Variants in CDS2 observed in about 807,000 individuals in gnomAD.
CDS2 encodes phosphatidate cytidylyltransferase 2.
A neutral mutation model predicts 59.0 loss-of-function variants in CDS2; 47 were observed. The observed-to-expected ratio is 0.80, with a 90% CI of 0.63 to 1.02. The LOEUF is 1.02. CDS2 is among the 50% of genes least tolerant of loss of function. The pLI is 0.00. For synonymous variants in CDS2, 207 were observed against 206.4 expected, an observed-to-expected ratio of 1.00 and a Z score of -0.02; for missense variants, 356 against 558.9, an observed-to-expected ratio of 0.64 and a Z score of 3.66.
chr20:5,168,403 A>G (rs1194150980), intron 1 of CDS2, among the ~76,000 whole-genome samples: 3 of 148,440 alleles, frequency 2.0e-5, no homozygotes, highest in African/African-American at 7.5e-5. Flanking sequence ...TGACAGAGCA[A>G]GACTCTGTCC....
chr20:5,191,491 T>C lies in CDS2; in HGVS notation c.*1257T>C, dbSNP rs1031332519. ...ATTAGTTCTTTGTCAGGCCAACAAG[T>C]GATGGAGTGCGGGAGAGAGAACTTG... On this transcript the variant is annotated 3_prime_UTR_variant, in exon 13 of 13. Coordinates refer to ENST00000460006, the MANE Select transcript of CDS2 (RefSeq NM_003818.4). 1 of 152,166 alleles carries C rather than the reference T, an allele frequency of 6.6e-6. No individual in the cohort carries two copies. The highest frequency in any genetic ancestry group is 1.5e-5 in the Non-Finnish European group (1 of 68,028). 9.4% of individuals were successfully genotyped at this position (152,166 alleles called of 1,614,324 possible).
chr20:5,134,132 A>C (rs2090629794), intron 1 of CDS2, among the ~76,000 whole-genome samples: 1 of 152,188 alleles, frequency 6.6e-6, no homozygotes, highest in Non-Finnish European at 1.5e-5. Context: ...ATTTGTGAGC[A>C]CTTTCCTGGG....
chr20:5,190,198 C>G lies in CDS2; in HGVS notation c.1302C>G (p.Asp434Glu), dbSNP rs373419561. 1 of 1,614,096 alleles carries G rather than the reference C, an allele frequency of 6.2e-7. No homozygotes were observed. Residue 434 changes from aspartate to glutamate, a missense_variant, in exon 13 of 13, where the codon GAC becomes GAG. This residue lies in a region of CDS2 where 33 missense variants were observed against 27.9 expected (regional missense o/e 1.18). Transcript: ENST00000460006. ...IFNTLRSHLI[D>E]KGMLTSTTED... ...ACACGCTGCGGTCTCATCTGATCGA[C>G]AAAGGGATGCTGACATCCACCACAG... is the stretch of plus-strand genomic sequence containing the variant.
At chr20:5,145,545 C>T (rs1462647945) in intron 1 of CDS2, among the ~76,000 whole-genome samples, 1 of 152,100 alleles carries the variant, frequency 6.6e-6, no homozygotes, top group Non-Finnish European at 1.5e-5. Flanking sequence ...AGAGGGCAGA[C>T]GCTCCTTCTT....
intron 1 of CDS2, among the ~76,000 whole-genome samples, chr20:5,127,508 G>A (rs2090564727): frequency 1.3e-5 from 2 of 152,236 alleles, no homozygotes; most frequent in South Asian, 4.1e-4. Context: ...CCTTCTTAGG[G>A]AGGCGGCTCC....
At chr20:5,171,825 G>A (rs541363220) in intron 1 of CDS2, among the ~76,000 whole-genome samples, 7 of 152,296 alleles carry the variant, frequency 4.6e-5, no homozygotes, top group South Asian at 2.1e-4. Flanking sequence ...CACCTGTCTC[G>A]ACTGTGGCAG....
intron 1 of CDS2, among the ~76,000 whole-genome samples, chr20:5,162,183 G>A (rs2090880520): frequency 6.6e-6 from 1 of 152,144 alleles, no homozygotes; most frequent in Non-Finnish European, 1.5e-5. Flanking sequence ...AGAATTAAGG[G>A]TCGAACATCC....
intron 1 of CDS2, among the ~76,000 whole-genome samples, chr20:5,129,402 G>A (rs1024689035): frequency 4.0e-5 from 6 of 151,336 alleles, no homozygotes; most frequent in Admixed American, 6.6e-5. Context: ...TCAGCCTCCT[G>A]AGTAGCTGGG....
chr20:5,159,321 C>CT (rs2090858381), intron 1 of CDS2, among the ~76,000 whole-genome samples: 1 of 25,686 alleles, frequency 3.9e-5, no homozygotes, highest in South Asian at 2.6e-3. Context: ...TGCTTTCCCT[C>CT]CCCCTCCCCC....
chr20:5,182,888 A>G lies in CDS2; in HGVS notation c.589-173A>G, dbSNP rs142095386. On this transcript the variant is annotated intron_variant, in intron 6 of 12. Transcript: ENST00000460006. ...CACTCACTAGTGGGCTGTGGGGGAC[A>G]AAGTATTACTCTCAGAAGCCTGATC... 4.0e-3 allele frequency among the ~76,000 whole-genome samples: 610 copies of G among 152,366 alleles called. 4 individuals are homozygous for G. The highest frequency in any genetic ancestry group is 8.0e-3 in the Admixed American group (123 of 15,302).
chr20:5,188,395 CTT>C (rs1446759317), intron 10 of CDS2, among the ~76,000 whole-genome samples: 1 of 152,224 alleles, frequency 6.6e-6, no homozygotes, highest in Non-Finnish European at 1.5e-5. Context: ...CTAAAATACT[CTT>C]TTCAACTATG....
At chr20:5,186,542 TG>T in intron 9 of CDS2, 144 bp from the exon 10 acceptor site, 1 of 688,592 alleles carries the variant, frequency 1.5e-6, no homozygotes, top group Admixed American at 2.4e-5. Flanking sequence ...AAAATATGTA[TG>T]GTAAAACATG....
rs2091108202 is a variant in CDS2 at position 5,190,765 on chromosome 20, T to A, written c.*531T>A. 1 of 152,254 alleles carries A rather than the reference T, an allele frequency of 6.6e-6. No homozygotes were observed. The highest frequency in any genetic ancestry group is 2.4e-5 in the African/African-American group (1 of 41,454). 9.4% of individuals were successfully genotyped at this position (152,254 alleles called of 1,614,324 possible). A position where few individuals can be genotyped will look rare whatever the true frequency, so the allele number is the denominator to read the frequency against. ...TGGAGGCTTACTAACCAGGTAAGCC[T>A]TCTATGCATCCACACCAAAATCCTG... On this transcript the variant is annotated 3_prime_UTR_variant, in exon 13 of 13. Coordinates refer to ENST00000460006, the MANE Select transcript of CDS2 (RefSeq NM_003818.4).
chr20:5,163,944 C>G (rs1458841110), intron 1 of CDS2, among the ~76,000 whole-genome samples: 1 of 151,944 alleles, frequency 6.6e-6, no homozygotes, highest in Non-Finnish European at 1.5e-5. Context: ...GTGCCCACCA[C>G]CACGCCTGGA....
intron 5 of CDS2, 103 bp from the exon 6 acceptor site, chr20:5,182,284 C>T: frequency 1.1e-6 from 1 of 939,566 alleles, no homozygotes; most frequent in Non-Finnish European, 1.6e-6. Flanking sequence ...TGGTTAGCTG[C>T]TGGGAATAAA....
chr20:5,178,356 G>A (rs1447275905), intron 4 of CDS2, among the ~76,000 whole-genome samples: 1 of 152,226 alleles, frequency 6.6e-6, no homozygotes, highest in Non-Finnish European at 1.5e-5. Flanking sequence ...TGAAGAAATG[G>A]AGAAGCAAAG....
chr20:5,145,781 T>A (rs2090737180), intron 1 of CDS2, among the ~76,000 whole-genome samples: 1 of 151,952 alleles, frequency 6.6e-6, no homozygotes, highest in Admixed American at 6.6e-5. Context: ...TTATCTCCTA[T>A]CTTCTGCAGG....
At chr20:5,170,775 T>G (rs913185398) in intron 1 of CDS2, among the ~76,000 whole-genome samples, 2 of 152,186 alleles carry the variant, frequency 1.3e-5, no homozygotes, top group African/African-American at 4.8e-5. Flanking sequence ...GTTTGTTCAG[T>G]GGTTTTTTGA....
intron 1 of CDS2, among the ~76,000 whole-genome samples, chr20:5,135,857 C>G (rs910452788): frequency 6.6e-6 from 1 of 152,180 alleles, no homozygotes; most frequent in Non-Finnish European, 1.5e-5. Flanking sequence ...CTGCCTCTCC[C>G]CAGGGACAGC....
Sources: allele counts gnomAD v4.1 joint callset (sites outside exome capture counted in the v4.1 genomes callset), GRCh38; gene constraint gnomAD v4.1.1; regional missense constraint gnomAD v4.1.1; transcripts MANE v1.5; gene names NCBI Gene and HGNC (gene_info 2026-07-23, HGNC 2026-07-21).